STON1: variants seen among roughly 807,000 people sequenced by gnomAD.
STON1 encodes the protein stonin 1.
STON1 carries 79 observed loss-of-function variants against 60.9 expected under a neutral mutation model. The observed-to-expected ratio is 1.30, with a 90% CI of 1.08 to 1.56. The LOEUF is 1.56. Among genes scored for constraint, STON1 ranks in the 40% most tolerant of loss-of-function variants. STON1 has a pLI of 0.00. For synonymous variants in STON1, 363 were observed against 306.9 expected (o/e 1.18, Z -1.91); for missense variants, 1,166 against 858.9 (o/e 1.36, Z -4.47).
intron 2 of STON1, 36 bp from the exon 3 acceptor site, chr2:48,591,617 A>G (rs1052268040): frequency 6.2e-7 from 1 of 1,606,676 alleles, no homozygotes; most frequent in African/African-American, 1.3e-5. Context: ...AATGGCCATT[A>G]AAATACTTTG....
In STON1 at chr2:48,596,398, G is replaced by A. The variant is rs1674782413; in HGVS notation, c.*1096G>A. The A allele has an allele frequency of 6.6e-6, 1 of 152,170 alleles. No homozygotes were observed. The highest frequency in any genetic ancestry group is 1.5e-5 in the Non-Finnish European group (1 of 68,024). The allele number at this position is 152,170 out of a possible 1,614,324, so 9.4% of individuals were successfully genotyped here. On this transcript the variant is annotated 3_prime_UTR_variant, in exon 4 of 4. Coordinates refer to ENST00000404752, the MANE Select transcript of STON1 (RefSeq NM_006873.4). ...TTTGGTTTCTAATGAAAAGTCAATAGCATTAGCAGTTATAATTCTGTTTAT... is the reference window on the plus strand; with the variant it reads ...TTTGGTTTCTAATGAAAAGTCAATAACATTAGCAGTTATAATTCTGTTTAT...
intron 1 of STON1, among the ~76,000 whole-genome samples, chr2:48,545,352 G>C (rs1380791317): frequency 6.6e-6 from 1 of 152,148 alleles, no homozygotes; most frequent in Non-Finnish European, 1.5e-5. Flanking sequence ...GGCCTCCTCT[G>C]CACCCACATA....
chr2:48,564,461 C>A (rs1468246636), intron 1 of STON1, among the ~76,000 whole-genome samples: 1 of 54,464 alleles, frequency 1.8e-5, no homozygotes, highest in Admixed American at 1.7e-4. Flanking sequence ...TCTTCTTCTT[C>A]TTCTTCTTCT....
intron 1 of STON1, among the ~76,000 whole-genome samples, chr2:48,568,699 G>C (rs1673053616): frequency 6.6e-6 from 1 of 152,178 alleles, no homozygotes; most frequent in African/African-American, 2.4e-5. Context: ...AGGGCGAGCT[G>C]AGTTATGAAA....
chr2:48,572,848 C>T (rs545931133), intron 1 of STON1, among the ~76,000 whole-genome samples: 5 of 152,292 alleles, frequency 3.3e-5, no homozygotes, highest in East Asian at 1.9e-4. Flanking sequence ...TGGGTCCCAT[C>T]GAAACCCTGC....
At chr2:48,568,752 C>T (rs1673055645) in intron 1 of STON1, among the ~76,000 whole-genome samples, 1 of 152,176 alleles carries the variant, frequency 6.6e-6, no homozygotes, top group Non-Finnish European at 1.5e-5. Flanking sequence ...AGCTGTTGTT[C>T]TTGAGCAACC....
intron 1 of STON1, among the ~76,000 whole-genome samples, chr2:48,544,295 G>T (rs1167355255): frequency 2.0e-5 from 3 of 152,116 alleles, no homozygotes; most frequent in African/African-American, 7.2e-5. Context: ...TTGCCTTCAT[G>T]TAAATATCTG....
rs1553359256 is a variant in STON1 at position 48,564,405 on chromosome 2, G to GTCTTCTTCTTCTTCTTCC, written c.-47-16165_-47-16164insCTCTTCTTCTTCTTCTTC. ...TAGGTCCTCCAGTGGCAGTGGCGGT[G>GTCTTCTTCTTCTTCTTCC]TCTTCTTCTTCTTCTTCTTCTTCTT... On this transcript the variant is annotated intron_variant, in intron 1 of 3. Coordinates refer to ENST00000404752, the MANE Select transcript of STON1 (RefSeq NM_006873.4). Among the ~76,000 whole-genome samples, 199 of 83,032 alleles carry GTCTTCTTCTTCTTCTTCC rather than the reference G, an allele frequency of 2.4e-3. 2 individuals carry two copies. Among genetic ancestry groups the GTCTTCTTCTTCTTCTTCC allele is most frequent in the African/African-American group, 2.8e-3 (61 of 21,628 alleles). The allele number at this position is 83,032 out of a possible 152,430, so 54.5% of individuals were successfully genotyped here.
chr2:48,567,243 C>G (rs916960202), intron 1 of STON1, among the ~76,000 whole-genome samples: 1 of 152,188 alleles, frequency 6.6e-6, no homozygotes, highest in African/African-American at 2.4e-5. Context: ...AACATATGTG[C>G]TAATAATATG....
chr2:48,560,531 G>A (rs990952776), intron 1 of STON1, among the ~76,000 whole-genome samples: 2 of 152,216 alleles, frequency 1.3e-5, no homozygotes, highest in African/African-American at 2.4e-5. Context: ...TTGCCTGAAC[G>A]AAGCCTGCTT....
In STON1 at chr2:48,556,998, C is replaced by A. The variant is rs867471677; in HGVS notation, c.-47-23589C>A. ...CTGACCCCCCCACCTCCCTCCTGGACGGCACGGCTGCCCGGGCGGGGGGGC... is the reference window on the plus strand; with the variant it reads ...CTGACCCCCCCACCTCCCTCCTGGAAGGCACGGCTGCCCGGGCGGGGGGGC... On this transcript the variant is annotated intron_variant, in intron 1 of 3. Transcript: ENST00000404752. Among the ~76,000 whole-genome samples, 3 of 75,228 alleles carry A rather than the reference C, an allele frequency of 4.0e-5. 1 individual carries two copies. The highest frequency in any genetic ancestry group is 1.6e-4 in the African/African-American group (3 of 18,896). The allele number at this position is 75,228 out of a possible 152,430, so 49.4% of individuals were successfully genotyped here.
chr2:48,575,254 A>G (rs1045119396), intron 1 of STON1, among the ~76,000 whole-genome samples: 8 of 152,256 alleles, frequency 5.3e-5, no homozygotes, highest in South Asian at 4.1e-4. Flanking sequence ...TTCTTTATGC[A>G]TCCATCCATC....
intron 1 of STON1, among the ~76,000 whole-genome samples, chr2:48,541,997 T>C (rs1481382761): frequency 6.6e-6 from 1 of 152,222 alleles, no homozygotes; most frequent in Non-Finnish European, 1.5e-5. Flanking sequence ...CAAAACCTCA[T>C]GCTCAACTAG....
At chr2:48,533,810 C>T (rs1251032509) in intron 1 of STON1, among the ~76,000 whole-genome samples, 3 of 148,008 alleles carry the variant, frequency 2.0e-5, no homozygotes, top group African/African-American at 7.5e-5. Context: ...GCTCTCGTTG[C>T]CCAGGCTGGA....
chr2:48,570,899 A>G (rs1219377916), intron 1 of STON1, among the ~76,000 whole-genome samples: 1 of 117,872 alleles, frequency 8.5e-6, no homozygotes, highest in African/African-American at 3.5e-5. Flanking sequence ...GTCTTGCACT[A>G]TCCCCCAGGC....
Position 48,591,788 on chromosome 2 carries a change from C to T in STON1, c.2066C>T (p.Ser689Phe). The change falls in exon 3 of 4, where the codon TCT becomes TTT. Residue 689 changes from serine (S) to phenylalanine (F), a missense_variant. Physicochemically the swap from Ser to Phe is radical, Grantham distance 155 (BLOSUM62 -2). Coordinates refer to ENST00000404752, the MANE Select transcript of STON1 (RefSeq NM_006873.4). ...DTCASRTEVR[S>F]LGVESDVQPQ... Reference sequence around the variant, plus strand: ...TGTGCCTCAAGGACAGAGGTCAGGTCTCTGGGAGTGGAGAGTGATGTCCAG... The same window carrying T: ...TGTGCCTCAAGGACAGAGGTCAGGTTTCTGGGAGTGGAGAGTGATGTCCAG... The T allele has an allele frequency of 6.2e-7, 1 of 1,614,186 alleles. No individual in the cohort carries two copies. Among genetic ancestry groups the T allele is most frequent in the Non-Finnish European group, 8.5e-7 (1 of 1,180,040 alleles).
chr2:48,545,533 G>T (rs918280447), intron 1 of STON1, among the ~76,000 whole-genome samples: 2 of 152,198 alleles, frequency 1.3e-5, no homozygotes, highest in Admixed American at 1.3e-4. Context: ...TTCGAGGGCT[G>T]CCTCAGTCAC....
intron 2 of STON1, among the ~76,000 whole-genome samples, chr2:48,584,716 A>G (rs1342289397): frequency 1.3e-5 from 2 of 152,172 alleles, no homozygotes; most frequent in African/African-American, 4.8e-5. Flanking sequence ...CTCCAGATAC[A>G]AGGTGTAGCC....
intron 1 of STON1, among the ~76,000 whole-genome samples, chr2:48,547,145 CT>C (rs1187852053): frequency 6.6e-6 from 1 of 152,196 alleles, no homozygotes; most frequent in Non-Finnish European, 1.5e-5. Context: ...TGTTTATCTT[CT>C]CAGCTATGTT....
Sources: allele counts gnomAD v4.1 joint callset (sites outside exome capture counted in the v4.1 genomes callset), GRCh38; gene constraint gnomAD v4.1.1; transcripts MANE v1.5; gene names NCBI Gene and HGNC (gene_info 2026-07-23, HGNC 2026-07-21).